Variants in ERC1 observed in about 807,000 individuals in gnomAD.
ERC1 encodes the protein ELKS/RAB6-interacting/CAST family member 1, also known as RAB6 interacting protein 2.
Under a neutral mutation model 132.0 loss-of-function variants are expected in ERC1, and 56 were observed. The observed-to-expected ratio is 0.42, with a 90% confidence interval of 0.34 to 0.53. The LOEUF (loss-of-function observed/expected upper bound fraction) is 0.53. Ranked by LOEUF, ERC1 falls within the 20% of genes least tolerant of loss-of-function variation. The probability of loss-of-function intolerance (pLI) is 0.03; values close to 1 mark genes in which losing one functional copy is unlikely to be tolerated. For missense variants in ERC1, 1,202 were observed against 1,349.9 expected (o/e 0.89, Z 1.72); for synonymous variants, 478 against 476.1 (o/e 1.00, Z -0.05).
At chr12:1,209,109 C>G (rs1384831008) in intron 12 of ERC1, among the ~76,000 whole-genome samples, 1 of 151,986 alleles carries the variant, frequency 6.6e-6, no homozygotes, top group Non-Finnish European at 1.5e-5. Flanking sequence ...GCTGGGATTA[C>G]AGGGGTGTGC....
chr12:1,050,858 A>T (rs571266579), intron 2 of ERC1, among the ~76,000 whole-genome samples: 1 of 152,268 alleles, frequency 6.6e-6, no homozygotes, highest in African/African-American at 2.4e-5. Context: ...TGCAAAAATT[A>T]GCTGAGCGTG....
At chr12:1,393,613 T>TAC (rs1330434057) in intron 16 of ERC1, among the ~76,000 whole-genome samples, 44 of 33,096 alleles carry the variant, frequency 1.3e-3, no homozygotes, top group Non-Finnish European at 1.9e-3. Flanking sequence ...CACACGTGTG[T>TAC]GTGTGTGTGT....
intron 2 of ERC1, among the ~76,000 whole-genome samples, chr12:1,071,071 T>C (rs1940259594): frequency 6.6e-6 from 1 of 152,248 alleles, no homozygotes. Context: ...ATTGTGTGAA[T>C]GTGGTACTAT....
At chr12:1,283,741 C>T (rs1161253595) in intron 14 of ERC1, among the ~76,000 whole-genome samples, 1 of 152,098 alleles carries the variant, frequency 6.6e-6, no homozygotes, top group Non-Finnish European at 1.5e-5. Context: ...ATTTTACTAA[C>T]AGATAAAAAT....
chr12:1,340,822 A>G (rs1277446516), intron 15 of ERC1, among the ~76,000 whole-genome samples: 1 of 151,566 alleles, frequency 6.6e-6, no homozygotes. Context: ...CTCGTTTCCA[A>G]TTCCTGGGCT....
At chr12:1,105,627 G>A (rs536100940) in intron 4 of ERC1, among the ~76,000 whole-genome samples, 2 of 152,262 alleles carry the variant, frequency 1.3e-5, no homozygotes, top group Admixed American at 6.5e-5. Flanking sequence ...AAAGTGCTGG[G>A]ATTACAGGTG....
intron 15 of ERC1, among the ~76,000 whole-genome samples, chr12:1,316,351 A>G (rs2081721328): frequency 6.6e-6 from 1 of 152,198 alleles, no homozygotes; most frequent in Non-Finnish European, 1.5e-5. Flanking sequence ...TGCTCAGAGC[A>G]TGCTGAAAAA....
chr12:1,185,056 G>A (rs890628861), intron 11 of ERC1, among the ~76,000 whole-genome samples: 2 of 152,074 alleles, frequency 1.3e-5, no homozygotes, highest in Admixed American at 6.5e-5. Flanking sequence ...GTTTATAGGC[G>A]CATGCCGCTG....
At chr12:1,024,984 A>G (rs1346047966) in intron 1 of ERC1, among the ~76,000 whole-genome samples, 2 of 152,210 alleles carry the variant, frequency 1.3e-5, no homozygotes, top group Non-Finnish European at 2.9e-5. Flanking sequence ...GAGATGATTT[A>G]AAGTATGCTG....
intron 8 of ERC1, among the ~76,000 whole-genome samples, chr12:1,145,431 G>GT (rs1221514462): frequency 7.2e-5 from 11 of 152,136 alleles, no homozygotes; most frequent in African/African-American, 2.4e-4. Flanking sequence ...GGGATTATTT[G>GT]TTTTTTACTT....
chr12:1,011,119 C>A (rs1333898024), intron 1 of ERC1, among the ~76,000 whole-genome samples: 1 of 152,316 alleles, frequency 6.6e-6, no homozygotes, highest in Admixed American at 6.5e-5. Flanking sequence ...GACTTTGAGA[C>A]TAGGTACAAA....
At chr12:1,272,010 C>T (rs566059649) in intron 14 of ERC1, among the ~76,000 whole-genome samples, 5 of 152,118 alleles carry the variant, frequency 3.3e-5, no homozygotes, top group African/African-American at 1.2e-4. Flanking sequence ...AAAGGTCGTT[C>T]CAGAACCTTA....
chr12:1,104,108 A>G (rs1944976492), intron 3 of ERC1, among the ~76,000 whole-genome samples: 1 of 151,152 alleles, frequency 6.6e-6, no homozygotes, highest in Admixed American at 6.6e-5. Context: ...TTCTATCCTG[A>G]ACTCAGTAAA....
At chr12:1,466,261 G>C (rs1261644375) in intron 18 of ERC1, among the ~76,000 whole-genome samples, 2 of 152,112 alleles carry the variant, frequency 1.3e-5, no homozygotes, top group Non-Finnish European at 2.9e-5. Flanking sequence ...GTGTCCTCAC[G>C]TGGTCTATCC....
chr12:1,473,960 T>G (rs1241277289), intron 18 of ERC1, among the ~76,000 whole-genome samples: 1 of 152,220 alleles, frequency 6.6e-6, no homozygotes, highest in Non-Finnish European at 1.5e-5. Context: ...TCCCTCTGAC[T>G]GTGTAAGTTT....
intron 8 of ERC1, among the ~76,000 whole-genome samples, chr12:1,146,125 G>C (rs955591692): frequency 1.3e-5 from 2 of 151,990 alleles, no homozygotes; most frequent in Non-Finnish European, 2.9e-5. Flanking sequence ...ATGGTATTTT[G>C]ATGGCAATTT....
intron 2 of ERC1, among the ~76,000 whole-genome samples, chr12:1,031,890 T>C (rs1321775594): frequency 1.3e-5 from 2 of 152,112 alleles, no homozygotes; most frequent in Non-Finnish European, 2.9e-5. Context: ...ACAGGCATAT[T>C]TGGTTAAAAC....
chr12:1,298,651 A>G (rs1246968687), intron 15 of ERC1, among the ~76,000 whole-genome samples: 1 of 152,044 alleles, frequency 6.6e-6, no homozygotes, highest in East Asian at 1.9e-4. Context: ...AAAGGCAGAA[A>G]AGGAACAACA....
chr12:1,432,136 C>T (rs2092814953), intron 17 of ERC1, among the ~76,000 whole-genome samples: 1 of 152,166 alleles, frequency 6.6e-6, no homozygotes, highest in African/African-American at 2.4e-5. Flanking sequence ...ACCTCGACCT[C>T]CCAAAGTGCT....
Sources: allele counts gnomAD v4.1 joint callset (sites outside exome capture counted in the v4.1 genomes callset), GRCh38; gene constraint gnomAD v4.1.1; transcripts MANE v1.5; gene names NCBI Gene and HGNC (gene_info 2026-07-23, HGNC 2026-07-21).